Variants in AFDN observed in about 807,000 individuals in gnomAD.
AFDN encodes afadin.
AFDN carries 68 observed loss-of-function variants against 216.6 expected under a neutral mutation model. The ratio of observed to expected loss-of-function variants is 0.31; its 90% CI spans 0.26 to 0.38. The LOEUF (loss-of-function observed/expected upper bound fraction) is 0.38, where lower values mean the gene tolerates loss of function less well. AFDN is among the 10% of genes least tolerant of loss of function. The pLI is 1.00. For synonymous variants in AFDN, 868 were observed against 853.7 expected, an observed-to-expected ratio of 1.02 and a Z score of -0.29; for missense variants, 2,136 against 2,342.0, an observed-to-expected ratio of 0.91 and a Z score of 1.82.
chr6:167,829,330 C>T (rs910726367), intron 1 of AFDN, among the ~76,000 whole-genome samples: 3 of 152,092 alleles, frequency 2.0e-5, no homozygotes, highest in Non-Finnish European at 4.4e-5. Flanking sequence ...TTAAGCTTTG[C>T]ATTTAACATA....
rs936805825 is a variant in AFDN, at chr6:167,853,389, C to G, written c.106-11162C>G. Among the ~76,000 whole-genome samples, 6 of 152,160 alleles carry G rather than the reference C, an allele frequency of 3.9e-5. No individual in the cohort carries two copies. The South Asian group carries it at 1.2e-3, about 32-fold the overall frequency. ...AATTCTGCAAAATTATTTGCAGATACTGACTTGTCAGTAGACTAGTCTGCT... is the reference window on the plus strand; with the variant it reads ...AATTCTGCAAAATTATTTGCAGATAGTGACTTGTCAGTAGACTAGTCTGCT... On this transcript the variant is annotated intron_variant, in intron 1 of 33. Coordinates refer to ENST00000683244, the MANE Select transcript of AFDN (RefSeq NM_001386888.1).
intron 1 of AFDN, among the ~76,000 whole-genome samples, chr6:167,855,877 G>C (rs1056182390): frequency 1.3e-5 from 2 of 152,138 alleles, no homozygotes; most frequent in African/African-American, 4.8e-5. Flanking sequence ...GAAATGATAA[G>C]TCATAGTACA....
intron 13 of AFDN, among the ~76,000 whole-genome samples, chr6:167,908,215 C>T (rs1255367140): frequency 6.6e-6 from 1 of 152,246 alleles, no homozygotes; most frequent in Non-Finnish European, 1.5e-5. Context: ...GGTCACCTAT[C>T]AGTTCAGTTG....
chr6:167,899,478 GT>G (rs1241032493), intron 11 of AFDN, among the ~76,000 whole-genome samples: 5 of 152,112 alleles, frequency 3.3e-5, no homozygotes, highest in Non-Finnish European at 5.9e-5. Flanking sequence ...GCTTTTAACT[GT>G]TTCTTTCTGA....
chr6:167,865,061 C>G (rs1784021820), intron 2 of AFDN, among the ~76,000 whole-genome samples: 1 of 151,426 alleles, frequency 6.6e-6, no homozygotes, highest in Non-Finnish European at 1.5e-5. Flanking sequence ...AGTATGCTAC[C>G]TGCTTTTTGA....
intron 1 of AFDN, among the ~76,000 whole-genome samples, chr6:167,832,800 T>C (rs1351283463): frequency 6.6e-6 from 1 of 152,248 alleles, no homozygotes; most frequent in Non-Finnish European, 1.5e-5. Context: ...TAAAATTGTA[T>C]GGCTTACAGA....
intron 1 of AFDN, among the ~76,000 whole-genome samples, chr6:167,852,606 G>C (rs762333206): frequency 6.6e-6 from 1 of 152,054 alleles, no homozygotes; most frequent in African/African-American, 2.4e-5. Flanking sequence ...ACAAAATGGC[G>C]TTTTTCTAAT....
intron 23 of AFDN, among the ~76,000 whole-genome samples, chr6:167,936,708 C>T (rs750360545): frequency 1.3e-5 from 2 of 152,104 alleles, no homozygotes; most frequent in Non-Finnish European, 2.9e-5. Context: ...GCAGCAGAGG[C>T]AGGGATGCAG....
intron 30 of AFDN, among the ~76,000 whole-genome samples, chr6:167,957,638 G>A (rs1796655341): frequency 6.6e-6 from 1 of 152,188 alleles, no homozygotes; most frequent in African/African-American, 2.4e-5. Flanking sequence ...GCAAATCCAG[G>A]ACACCTGGAA....
At chr6:167,939,160 A>T (rs1424421841) in intron 23 of AFDN, among the ~76,000 whole-genome samples, 1 of 152,228 alleles carries the variant, frequency 6.6e-6, no homozygotes, top group East Asian at 1.9e-4. Flanking sequence ...GTCACTAAAA[A>T]TGCTGTATTA....
At chr6:167,893,984 A>T in intron 9 of AFDN, 78 bp downstream of exon 9, 1 of 1,071,538 alleles carries the variant, frequency 9.3e-7, no homozygotes, top group Admixed American at 2.0e-5. Flanking sequence ...TGAATGACCA[A>T]ATATCTTATG....
rs1173073906 is a variant in AFDN at position 167,889,281 on chromosome 6, G to A, written c.964G>A (p.Asp322Asn). 1.2e-6 allele frequency: 2 copies of A among 1,614,058 alleles called. No individual in the cohort carries two copies. The highest frequency in any genetic ancestry group is 3.3e-5 in the Admixed American group (2 of 60,022). ...TGCTAAAGAAATTATTCTTGATGAT[G>A]ATGAGTGTCCTTTACAAATCTTCAG... ...KGAKEIILDD[D>N]ECPLQIFREW... Residue 322 changes from aspartate to asparagine, a missense_variant, in exon 7 of 34, where the codon GAT becomes AAT. Physicochemically the swap from Asp to Asn is conservative, Grantham distance 23. This residue lies in a region of AFDN where 817 missense variants were observed against 965.7 expected (regional missense o/e 0.85). Coordinates refer to ENST00000683244, the MANE Select transcript of AFDN (RefSeq NM_001386888.1).
Position 167,911,458 on chromosome 6 carries a change from A to G in AFDN, c.2006A>G (p.Lys669Arg), listed in dbSNP as rs759570778. 11 of 1,614,070 alleles carry G rather than the reference A, an allele frequency of 6.8e-6. No individual in the cohort carries two copies. Among genetic ancestry groups the G allele is most frequent in the African/African-American group, 1.3e-5 (1 of 74,930 alleles). ...RTHKVIAVVN[K>R]MVSMMEGVIQ... ...CATAAAGTCATTGCAGTCGTCAACA[A>G]GATGGTGAGCATGATGGAGGGTGTC... Residue 669 changes from lysine (K) to arginine (R), a missense_variant, in exon 15 of 34, where the codon AAG (lysine) becomes AGG (arginine). Lys to Arg is a conservative substitution (Grantham distance 26). Coordinates refer to ENST00000683244, the MANE Select transcript of AFDN (RefSeq NM_001386888.1).
chr6:167,880,769 A>G lies in AFDN; in HGVS notation c.897+252A>G, dbSNP rs185083470. On this transcript the variant is annotated intron_variant, in intron 6 of 33. Coordinates refer to ENST00000683244, the MANE Select transcript of AFDN (RefSeq NM_001386888.1). Reference sequence around the variant, plus strand: ...GAAAATGAAAATTACCCCAAAATCAATTGACCACATATACTTGTGGTTCTT... The same window carrying G: ...GAAAATGAAAATTACCCCAAAATCAGTTGACCACATATACTTGTGGTTCTT... Among the ~76,000 whole-genome samples the G allele has an allele frequency of 3.9e-5, 6 of 152,280 alleles. No individual in the cohort carries two copies. In the East Asian group the frequency reaches 1.2e-3, roughly 29 times the overall value.
chr6:167,880,226 T>G, intron 5 of AFDN, 134 bp from the exon 6 acceptor site: 1 of 752,708 alleles, frequency 1.3e-6, no homozygotes, highest in Non-Finnish European at 2.2e-6. Flanking sequence ...AAACAATAGT[T>G]ATTAGGCAGA....
At chr6:167,893,590 G>A (rs1787875017) in intron 8 of AFDN, 7 of 404,184 alleles carry the variant, frequency 1.7e-5, no homozygotes, top group Non-Finnish European at 3.2e-5. Flanking sequence ...TTAACTCACT[G>A]TTGCTGTCCT....
chr6:167,851,776 C>T (rs1357611096), intron 1 of AFDN, among the ~76,000 whole-genome samples: 3 of 152,134 alleles, frequency 2.0e-5, no homozygotes, highest in Non-Finnish European at 4.4e-5. Context: ...TATGACACAC[C>T]TGTTGCTTGT....
Position 167,832,598 on chromosome 6 carries a change from A to T in AFDN, c.105+5361A>T, listed in dbSNP as rs1373381373. On this transcript the variant is annotated intron_variant, in intron 1 of 33. Coordinates refer to ENST00000683244, the MANE Select transcript of AFDN (RefSeq NM_001386888.1). Reference sequence around the variant, plus strand: ...ATAAAGTGAGAATAAGCATATAGAGAGGTGGTTCAAATACAAGCAGGAAGG... The same window carrying T: ...ATAAAGTGAGAATAAGCATATAGAGTGGTGGTTCAAATACAAGCAGGAAGG... 2.6e-5 allele frequency among the ~76,000 whole-genome samples: 4 copies of T among 152,218 alleles called. No individual in the cohort carries two copies. The East Asian group carries it at 7.7e-4, about 29-fold the overall frequency.
Position 167,962,679 on chromosome 6 carries a change from A to G in AFDN, c.4968+112A>G. On this transcript the variant is annotated intron_variant, in intron 31 of 33. Coordinates refer to ENST00000683244, the MANE Select transcript of AFDN (RefSeq NM_001386888.1). The surrounding 1 kb of genome is among the most constrained non-coding windows in gnomAD (Gnocchi z 5.2). ...GTGTTTCTTAAGAAGCACGAGGCAG[A>G]GCAGGGCCTGGCTCCCCCAGCTTTG... 4 of 1,568,444 alleles carry G rather than the reference A, an allele frequency of 2.6e-6. No individual in the cohort carries two copies. The highest frequency in any genetic ancestry group is 2.6e-6 in the Non-Finnish European group (3 of 1,155,892).
Sources: allele counts gnomAD v4.1 joint callset (sites outside exome capture counted in the v4.1 genomes callset), GRCh38; gene constraint gnomAD v4.1.1; regional missense constraint gnomAD v4.1.1; non-coding constraint Gnocchi (gnomAD v3.1); transcripts MANE v1.5; gene names NCBI Gene and HGNC (gene_info 2026-07-23, HGNC 2026-07-21).